MYEF2: variants seen among roughly 807,000 people sequenced by gnomAD.
MYEF2 encodes the protein myelin gene expression factor 2.
In MYEF2, 37 loss-of-function variants were observed where a neutral mutation model predicts 75.2. The observed-to-expected ratio is 0.49, with a 90% CI of 0.38 to 0.65. The LOEUF is 0.65. Ranked by LOEUF, MYEF2 falls within the 30% of genes least tolerant of loss-of-function variation. The pLI is 0.00. For missense variants in MYEF2, 634 were observed against 771.4 expected, an observed-to-expected ratio of 0.82 and a Z score of 2.11; for synonymous variants, 195 against 241.6, an observed-to-expected ratio of 0.81 and a Z score of 1.79.
At position 48,169,663 on chromosome 15, in the gene MYEF2, T is replaced by A. The variant is rs576261152; in HGVS notation, c.162-824A>T. Among the ~76,000 whole-genome samples, 119 of 151,318 alleles carry A rather than the reference T, an allele frequency of 7.9e-4. 5 individuals are homozygous for A. In the South Asian group the frequency reaches 0.024, roughly 31 times the overall value. ...CCCAGGCTGGAGTGCAGTGGTGCAATCTCGACTCACTGCAACCTCCGCCTC... is the reference window on the plus strand; with the variant it reads ...CCCAGGCTGGAGTGCAGTGGTGCAAACTCGACTCACTGCAACCTCCGCCTC... On this transcript the variant is annotated intron_variant, in intron 1 of 16. Coordinates refer to ENST00000324324, the MANE Select transcript of MYEF2 (RefSeq NM_016132.5).
chr15:48,153,900 CA>C lies in MYEF2; in HGVS notation c.986-8del, dbSNP rs767281664. 6.2e-7 allele frequency: 1 copy of C among 1,606,116 alleles called. No homozygotes were observed. Among genetic ancestry groups the C allele is most frequent in the South Asian group, 1.1e-5 (1 of 89,922 alleles). On this transcript the variant is annotated splice_polypyrimidine_tract_variant and splice_region_variant and intron_variant, in intron 9 of 16. Transcript: ENST00000324324. ...CCAATGCCTCCAAGACCACCTAAAA[CA>C]AAAATGAGAACAATCATTACAAAGA...
chr15:48,158,083 G>A (rs1567256533), intron 8 of MYEF2, 27 bp from the exon 9 acceptor site: 4 of 1,608,808 alleles, frequency 2.5e-6, no homozygotes, highest in Admixed American at 1.7e-5. Context: ...TTATAATATG[G>A]TTAACATATT....
At chr15:48,172,473 G>A (rs1203402788) in intron 1 of MYEF2, among the ~76,000 whole-genome samples, 3 of 149,226 alleles carry the variant, frequency 2.0e-5, no homozygotes, top group Non-Finnish European at 4.4e-5. Context: ...AAAGAGCTCA[G>A]TCCAAACTTA....
intron 5 of MYEF2, among the ~76,000 whole-genome samples, chr15:48,165,633 T>C (rs2040106053): frequency 6.6e-6 from 1 of 152,036 alleles, no homozygotes; most frequent in Non-Finnish European, 1.5e-5. Context: ...TGAAAATGTC[T>C]GTACCAAATA....
Position 48,136,652 on chromosome 15 carries a change from T to C in MYEF2, c.*6256A>G. 6.4e-7 allele frequency: 1 copy of C among 1,563,284 alleles called. No individual in the cohort carries two copies. Among genetic ancestry groups the C allele is most frequent in the South Asian group, 1.2e-5 (1 of 82,268 alleles). ...TCAACTCTAAAATGACTTTCACTTT[T>C]AATTTAAAAACACAAATTTCTCTTT... On this transcript the variant is annotated 3_prime_UTR_variant, in exon 17 of 17. Transcript: ENST00000324324.
At chr15:48,144,606 A>G (rs924345543) in intron 16 of MYEF2, among the ~76,000 whole-genome samples, 3 of 151,998 alleles carry the variant, frequency 2.0e-5, no homozygotes, top group African/African-American at 7.2e-5. Context: ...GAAATGGGGA[A>G]AAAAAGCAAA....
rs763061121 is a variant in MYEF2, at chr15:48,142,272, A to C, written c.*636T>G. 1 of 1,613,712 alleles carries C rather than the reference A, an allele frequency of 6.2e-7. No individual in the cohort carries two copies. Among genetic ancestry groups the C allele is most frequent in the Admixed American group, 1.7e-5 (1 of 60,014 alleles). Reference sequence around the variant, plus strand: ...TTGGGAATAGTCTGCCTATTATCATACTTGGGGCTTGCTACATTATCAGTT... The same window carrying C: ...TTGGGAATAGTCTGCCTATTATCATCCTTGGGGCTTGCTACATTATCAGTT... On this transcript the variant is annotated 3_prime_UTR_variant, in exon 17 of 17. Coordinates refer to ENST00000324324, the MANE Select transcript of MYEF2 (RefSeq NM_016132.5).
chr15:48,174,407 A>C (rs554938814), intron 1 of MYEF2, among the ~76,000 whole-genome samples: 1 of 145,222 alleles, frequency 6.9e-6, no homozygotes, highest in East Asian at 2.0e-4. Flanking sequence ...TTTTTTTTTG[A>C]TATGACACCA....
At chr15:48,153,729 T>C (rs2039582478) in intron 10 of MYEF2, 63 bp downstream of exon 10, 1 of 1,315,568 alleles carries the variant, frequency 7.6e-7, no homozygotes, top group Non-Finnish European at 1.1e-6. Context: ...ACCACATCAA[T>C]GGAGGCTTTA....
chr15:48,143,167 A>C, intron 16 of MYEF2, 96 bp from the exon 17 acceptor site: 1 of 694,778 alleles, frequency 1.4e-6, no homozygotes, highest in Non-Finnish European at 2.1e-6. Context: ...GTGATAATTA[A>C]TTTGATTAAA....
chr15:48,141,257 G>C lies in MYEF2; in HGVS notation c.*1651C>G. 2 of 1,416,016 alleles carry C rather than the reference G, an allele frequency of 1.4e-6. No homozygotes were observed. The highest frequency in any genetic ancestry group is 2.0e-6 in the Non-Finnish European group (2 of 1,003,796). The allele number at this position is 1,416,016 out of a possible 1,614,324, so 87.7% of individuals were successfully genotyped here. A position where few individuals can be genotyped will look rare whatever the true frequency, so the allele number is the denominator to read the frequency against. ...CAAGCTGCAATGGTCATTCTACAAG[G>C]CTAGAATGAGTAAAAGTAGCTTTAA... On this transcript the variant is annotated 3_prime_UTR_variant, in exon 17 of 17. Coordinates refer to ENST00000324324, the MANE Select transcript of MYEF2 (RefSeq NM_016132.5).
rs1432058999 is a variant in MYEF2, at chr15:48,137,198, T to C, written c.*5710A>G. 6.7e-6 allele frequency: 3 copies of C among 447,346 alleles called. No homozygotes were observed. Among genetic ancestry groups the C allele is most frequent in the Non-Finnish European group, 1.2e-5 (3 of 257,040 alleles). 27.7% of individuals were successfully genotyped at this position (447,346 alleles called of 1,614,324 possible). A position where few individuals can be genotyped will look rare whatever the true frequency, so the allele number is the denominator to read the frequency against. ...AGAGAAAAATAAAGTGTGACTGTGG[T>C]TCACAAATGGGACAGATTGCCAAAA... On this transcript the variant is annotated 3_prime_UTR_variant, in exon 17 of 17. Transcript: ENST00000324324.
rs1439567310 is a variant in MYEF2, at chr15:48,159,541, CT to C, written c.717+71del. ...AAAATAAGCAAAATGTTCTATAAAC[CT>C]ATAACTCATTCATTTAATCAAATTA... On this transcript the variant is annotated intron_variant, in intron 6 of 16. Coordinates refer to ENST00000324324, the MANE Select transcript of MYEF2 (RefSeq NM_016132.5). 5 of 1,355,502 alleles carry C rather than the reference CT, an allele frequency of 3.7e-6. No homozygotes were observed. The African/African-American group carries it at 5.9e-5, about 16-fold the overall frequency. The allele number at this position is 1,355,502 out of a possible 1,614,324, so 84.0% of individuals were successfully genotyped here. A position where few individuals can be genotyped will look rare whatever the true frequency, so the allele number is the denominator to read the frequency against.
chr15:48,174,992 T>G (rs1164629282), intron 1 of MYEF2, among the ~76,000 whole-genome samples: 12 of 152,154 alleles, frequency 7.9e-5, no homozygotes, highest in Admixed American at 7.9e-4. Context: ...CACTCCCATG[T>G]TCGCTGCATC....
chr15:48,149,417 TTGTTTC>T lies in MYEF2; in HGVS notation c.1379-52_1379-47del. ...GGGGGGATTTGGGAATTTTGTGTTT[TTGTTTC>T]AAAAACATAAGGAAAAGGAGAAGAG... is the stretch of plus-strand genomic sequence containing the variant. On this transcript the variant is annotated intron_variant, in intron 14 of 16. Coordinates refer to ENST00000324324, the MANE Select transcript of MYEF2 (RefSeq NM_016132.5). This position sits in a 1 kb window ranked among gnomAD's most constrained non-coding sequence, Gnocchi z 4.0. 1 of 1,587,304 alleles carries T rather than the reference TTGTTTC, an allele frequency of 6.3e-7. No homozygotes were observed. Among genetic ancestry groups the T allele is most frequent in the Non-Finnish European group, 8.6e-7 (1 of 1,158,846 alleles).
intron 5 of MYEF2, 84 bp downstream of exon 5, chr15:48,165,849 G>A: frequency 9.7e-7 from 1 of 1,031,678 alleles, no homozygotes. Context: ...GTTGTAGTCA[G>A]GCAAATATAT....
rs534123627 is a variant in MYEF2, at chr15:48,178,165, G to T, written c.73C>A (p.Pro25Thr). 2.6e-6 allele frequency: 4 copies of T among 1,552,076 alleles called. No individual in the cohort carries two copies. The highest frequency in any genetic ancestry group is 2.5e-5 in the East Asian group (1 of 40,448). ...GGCTCTCGCCGCGGCTCGCCCGGCG[G>T]CTCTGCGGGCTGCAGGTGCGGGCTG... ...GDSPHLQPAE[P>T]PGEPRREPHP... The change falls in exon 1 of 17, where the codon CCG becomes ACG. Residue 25 changes from proline to threonine, a missense_variant. Coordinates refer to ENST00000324324, the MANE Select transcript of MYEF2 (RefSeq NM_016132.5).
At chr15:48,172,165 C>T (rs1312896457) in intron 1 of MYEF2, among the ~76,000 whole-genome samples, 1 of 152,042 alleles carries the variant, frequency 6.6e-6, no homozygotes, top group African/African-American at 2.4e-5. Context: ...TTTGGGAGGC[C>T]AAGGCAGGTG....
chr15:48,143,024 CT>C lies in MYEF2; in HGVS notation c.1686del (p.Gly563AlafsTer19). ...GAGTCAAATCTGACTGTTCCACAGC[CT>C]TTTGACTTTCCATTCTCCATTTTTA... ...AEIKMENGKS[K>X]GCGTVRFDSP... is the part of the protein sequence containing the mutation. On this transcript the variant is annotated frameshift_variant, in exon 17 of 17. Transcript: ENST00000324324. LOFTEE classifies it high-confidence loss of function. 1 of 1,586,120 alleles carries C rather than the reference CT, an allele frequency of 6.3e-7. No individual in the cohort carries two copies. The highest frequency in any genetic ancestry group is 1.8e-5 in the Admixed American group (1 of 54,548).
Sources: allele counts gnomAD v4.1 joint callset (sites outside exome capture counted in the v4.1 genomes callset), GRCh38; gene constraint gnomAD v4.1.1; non-coding constraint Gnocchi (gnomAD v3.1); transcripts MANE v1.5; gene names NCBI Gene and HGNC (gene_info 2026-07-23, HGNC 2026-07-21).